COL23A1: variants seen among roughly 807,000 people sequenced by gnomAD.
The protein encoded by COL23A1 is collagen alpha-1(XXIII) chain.
In COL23A1, 97 loss-of-function variants were observed where a neutral mutation model predicts 99.3. The ratio of observed to expected loss-of-function variants is 0.98; its 90% CI spans 0.83 to 1.16. The LOEUF (loss-of-function observed/expected upper bound fraction) is 1.16, where lower values mean the gene tolerates loss of function less well. COL23A1 is among the 50% of genes most tolerant of loss of function. The probability of loss-of-function intolerance (pLI) is 0.00; values close to 1 mark genes in which losing one functional copy is unlikely to be tolerated. For missense variants in COL23A1, 762 were observed against 757.4 expected, an observed-to-expected ratio of 1.01 and a Z score of -0.07; for synonymous variants, 320 against 308.2, an observed-to-expected ratio of 1.04 and a Z score of -0.40.
At chr5:178,250,199 AG>A in intron 17 of COL23A1, 94 bp from the exon 18 acceptor site, 2 of 1,469,622 alleles carry the variant, frequency 1.4e-6, no homozygotes, top group Non-Finnish European at 1.9e-6. Flanking sequence ...CACCCGGCCC[AG>A]GGTGGGTCTT....
At chr5:178,312,681 G>C (rs1758767085) in intron 2 of COL23A1, among the ~76,000 whole-genome samples, 1 of 151,936 alleles carries the variant, frequency 6.6e-6, no homozygotes, top group African/African-American at 2.4e-5. Flanking sequence ...AGCCGCACTG[G>C]GGACAGCCTG....
chr5:178,326,357 G>A (rs1051816551), intron 2 of COL23A1, among the ~76,000 whole-genome samples: 2 of 151,746 alleles, frequency 1.3e-5, no homozygotes, highest in Admixed American at 6.6e-5. Flanking sequence ...GAAAGCCATC[G>A]CTGCTCTTTC....
intron 2 of COL23A1, among the ~76,000 whole-genome samples, chr5:178,425,383 C>T (rs1765860992): frequency 2.6e-5 from 4 of 151,756 alleles, no homozygotes; most frequent in Admixed American, 2.6e-4. Flanking sequence ...GATCGCGCCA[C>T]TGCACTCCAG....
chr5:178,270,478 C>G (rs538750142), intron 5 of COL23A1, 115 bp from the exon 6 acceptor site: 5 of 1,276,678 alleles, frequency 3.9e-6, no homozygotes, highest in Non-Finnish European at 5.6e-6. Context: ...GGGAGCCCCG[C>G]GTCTGGGTTC....
At chr5:178,358,570 A>ATGT (rs1561898400) in intron 2 of COL23A1, among the ~76,000 whole-genome samples, 2 of 123,570 alleles carry the variant, frequency 1.6e-5, no homozygotes. Context: ...GTGTATGTCT[A>ATGT]ATGTGTATGT....
rs141866800 is a variant in COL23A1, at chr5:178,537,763, G to A, written c.361+22919C>T. Reference sequence around the variant, plus strand: ...GACGTTTACGTGGTGAAACGTGCGCGGCACGACGTTTAAGTGGTAAAATAC... The same window carrying A: ...GACGTTTACGTGGTGAAACGTGCGCAGCACGACGTTTAAGTGGTAAAATAC... On this transcript the variant is annotated intron_variant, in intron 2 of 28. Coordinates refer to ENST00000390654, the MANE Select transcript of COL23A1 (RefSeq NM_173465.4). Among the ~76,000 whole-genome samples, 1,141 of 152,336 alleles carry A rather than the reference G, an allele frequency of 7.5e-3. 12 individuals carry two copies. The highest frequency in any genetic ancestry group is 0.021 in the African/African-American group (879 of 41,574).
chr5:178,519,059 C>T (rs1240079534), intron 2 of COL23A1, among the ~76,000 whole-genome samples: 2 of 151,750 alleles, frequency 1.3e-5, no homozygotes, highest in African/African-American at 2.4e-5. Context: ...CCAACCACCA[C>T]CCGCGGCCAC....
intron 2 of COL23A1, among the ~76,000 whole-genome samples, chr5:178,358,499 G>A (rs551829101): frequency 1.8e-4 from 20 of 113,820 alleles, no homozygotes; most frequent in Non-Finnish European, 3.4e-4. Flanking sequence ...GTGTGTATGC[G>A]TGTATATGTG....
chr5:178,338,736 G>T (rs905507441), intron 2 of COL23A1, among the ~76,000 whole-genome samples: 7 of 151,866 alleles, frequency 4.6e-5, no homozygotes, highest in African/African-American at 1.7e-4. Context: ...TTAATGGGGG[G>T]GTCCTGGGGA....
At chr5:178,537,073 C>G (rs1321005728) in intron 2 of COL23A1, among the ~76,000 whole-genome samples, 1 of 152,248 alleles carries the variant, frequency 6.6e-6, no homozygotes, top group African/African-American at 2.4e-5. Flanking sequence ...CTGGGCCAGA[C>G]TCCTCACACC....
Position 178,307,076 on chromosome 5 carries a change from G to C in COL23A1, c.362-157C>G. ...TGGCTGTGGAGGGGGAGATGCGTGGGGAGAAACCCCTTCCTTCTGCCACTA... is the reference window on the plus strand; with the variant it reads ...TGGCTGTGGAGGGGGAGATGCGTGGCGAGAAACCCCTTCCTTCTGCCACTA... On this transcript the variant is annotated intron_variant, in intron 2 of 28. Transcript: ENST00000390654. The surrounding 1 kb of genome is among the most constrained non-coding windows in gnomAD (Gnocchi z 4.2). 1.9e-6 allele frequency: 1 copy of C among 522,288 alleles called. No homozygotes were observed. Among genetic ancestry groups the C allele is most frequent in the Non-Finnish European group, 3.4e-6 (1 of 294,080 alleles). 32.4% of individuals were successfully genotyped at this position (522,288 alleles called of 1,614,324 possible). A position where few individuals can be genotyped will look rare whatever the true frequency, so the allele number is the denominator to read the frequency against.
rs181641666 is a variant in COL23A1, at chr5:178,373,163, C to T, written c.362-66244G>A. Among the ~76,000 whole-genome samples the T allele has an allele frequency of 1.4e-3, 211 of 152,300 alleles. 2 individuals carry two copies. The highest frequency in any genetic ancestry group is 4.9e-3 in the African/African-American group (205 of 41,578). ...GCTTAACAAGACCCCAAAACACTGA[C>T]ATGGGTTTGACTGCCACTCACCAGC... On this transcript the variant is annotated intron_variant, in intron 2 of 28. Transcript: ENST00000390654.
rs946971450 is a variant in COL23A1 at position 178,349,315 on chromosome 5, C to T, written c.362-42396G>A. ...TGTGACAGAGGTCGGGGTAGGAAGC[C>T]CCTCCCCACTGAGGACTGGCAGGAG... On this transcript the variant is annotated intron_variant, in intron 2 of 28. Transcript: ENST00000390654. Among the ~76,000 whole-genome samples, 5 of 152,260 alleles carry T rather than the reference C, an allele frequency of 3.3e-5. No individual in the cohort carries two copies. In the South Asian group the frequency reaches 6.2e-4, roughly 19 times the overall value.
chr5:178,588,992 A>C (rs1178020858), intron 1 of COL23A1, among the ~76,000 whole-genome samples: 1 of 152,176 alleles, frequency 6.6e-6, no homozygotes, highest in Non-Finnish European at 1.5e-5. Context: ...GGCTCTGGCC[A>C]GCCCACCAGG....
At chr5:178,256,317 C>T (rs1319253693) in intron 15 of COL23A1, 36 bp downstream of exon 15, 2 of 1,549,500 alleles carry the variant, frequency 1.3e-6, no homozygotes, top group South Asian at 1.2e-5. Context: ...CCCTAGATCT[C>T]ATCCCTGAGG....
rs941403434 is a variant in COL23A1 at position 178,248,246 on chromosome 5, G to C, written c.1158C>G (p.Asp386Glu). The C allele has an allele frequency of 1.9e-6, 3 of 1,609,362 alleles. No homozygotes were observed. The highest frequency in any genetic ancestry group is 1.1e-5 in the South Asian group (1 of 90,522). The change falls in exon 20 of 29, where the codon GAC becomes GAG. Residue 386 changes from aspartate to glutamate, a missense_variant. Physicochemically the swap from Asp to Glu is conservative, Grantham distance 45. Transcript: ENST00000390654. ...EMGLSGLPGA[D>E]GLKGEKGESA... ...ACTCCCCCTTCTCCCCCTTGAGGCCGTCAGCGCCCTGCAGGACGGCAATGG... is the reference window on the plus strand; with the variant it reads ...ACTCCCCCTTCTCCCCCTTGAGGCCCTCAGCGCCCTGCAGGACGGCAATGG...
At chr5:178,249,298 G>C (rs1442251024) in intron 18 of COL23A1, 92 bp from the exon 19 acceptor site, 2 of 1,256,686 alleles carry the variant, frequency 1.6e-6, no homozygotes, top group Non-Finnish European at 2.3e-6. Flanking sequence ...TCATGCTAGG[G>C]CCCCACTTTC....
chr5:178,550,853 C>A (rs891829807), intron 2 of COL23A1, among the ~76,000 whole-genome samples: 4 of 152,122 alleles, frequency 2.6e-5, no homozygotes, highest in African/African-American at 4.8e-5. Context: ...TCTTGTCTTC[C>A]CAGAGTTTCA....
chr5:178,451,508 T>A (rs181445878), intron 2 of COL23A1, among the ~76,000 whole-genome samples: 138 of 151,896 alleles, frequency 9.1e-4, no homozygotes, highest in African/African-American at 3.2e-3. Flanking sequence ...ATATAAAAAT[T>A]AGCTGGGTGT....
Sources: gnomAD v4.1 joint callset for allele counts (sites outside exome capture counted in the v4.1 genomes callset) on GRCh38, gnomAD v4.1.1 for gene constraint, Gnocchi (gnomAD v3.1) non-coding constraint, MANE v1.5 for transcripts, NCBI Gene and HGNC (gene_info 2026-07-23, HGNC 2026-07-21) for gene names.